TRIM33: variants seen among roughly 807,000 people sequenced by gnomAD.
TRIM33 encodes the protein tripartite motif containing 33.
Under a neutral mutation model 125.4 loss-of-function variants are expected in TRIM33, and 20 were observed. The observed-to-expected ratio is 0.16, with a 90% CI of 0.11 to 0.23. The LOEUF (loss-of-function observed/expected upper bound fraction) is 0.23. Ranked by LOEUF, TRIM33 falls within the 10% of genes least tolerant of loss-of-function variation. The probability of loss-of-function intolerance (pLI) is 1.00; values close to 1 mark genes in which losing one functional copy is unlikely to be tolerated. For synonymous variants in TRIM33, 564 were observed against 513.9 expected (o/e 1.10, Z -1.32); for missense variants, 920 against 1,411.4 (o/e 0.65, Z 5.58).
At chr1:114,468,353 C>T (rs545292521) in intron 1 of TRIM33, 1 of 305,426 alleles carries the variant, frequency 3.3e-6, no homozygotes, top group African/African-American at 2.3e-5. Context: ...CCTACTATGA[C>T]CAAGAAGTAA....
intron 16 of TRIM33, 58 bp from the exon 17 acceptor site, chr1:114,401,521 T>C: frequency 6.9e-7 from 1 of 1,440,562 alleles, no homozygotes; most frequent in Non-Finnish European, 9.7e-7. Context: ...TAAAACATTC[T>C]CGAGAATGAG....
intron 10 of TRIM33, among the ~76,000 whole-genome samples, chr1:114,423,341 C>T (rs575602882): frequency 6.6e-6 from 1 of 152,088 alleles, no homozygotes; most frequent in South Asian, 2.1e-4. Flanking sequence ...AGATAAAACT[C>T]TGTTGAAGAA....
Position 114,425,495 on chromosome 1 carries a change from G to A in TRIM33, c.1649C>T (p.Thr550Ile). Residue 550 changes from threonine to isoleucine, a missense_variant, in exon 9 of 20, where the codon ACA becomes ATA. By Grantham distance (89) the Thr-to-Ile change is moderately conservative (BLOSUM62 -1). Around this residue, in one of 8 missense-constraint regions of TRIM33, gnomAD observed 407 missense variants for 589.7 expected, o/e 0.69. Coordinates refer to ENST00000358465, the MANE Select transcript of TRIM33 (RefSeq NM_015906.4). ...PAPVPTTTTTTQQHPRQAAPQ... is the reference protein window; with the variant it reads ...PAPVPTTTTTIQQHPRQAAPQ... ...GGCTGCTTGTCTAGGATGCTGTTGT[G>A]TTGTTGTTGTTGTAGTTGGTACAGG... The A allele has an allele frequency of 1.2e-6, 2 of 1,613,300 alleles. No individual in the cohort carries two copies. Among genetic ancestry groups the A allele is most frequent in the Non-Finnish European group, 1.7e-6 (2 of 1,179,296 alleles).
chr1:114,471,504 A>C (rs376980589), intron 1 of TRIM33, among the ~76,000 whole-genome samples: 16 of 152,158 alleles, frequency 1.1e-4, no homozygotes, highest in African/African-American at 3.6e-4. Flanking sequence ...CATATTAAAA[A>C]ATTAGAAGAC....
intron 4 of TRIM33, among the ~76,000 whole-genome samples, chr1:114,460,573 CTTTTTTTTTTTTT>C (rs35612978): frequency 1.6e-5 from 1 of 64,432 alleles, no homozygotes; most frequent in Non-Finnish European, 2.7e-5. Flanking sequence ...CCCCCGCCAC[CTTTTTTTTTTTTT>C]TTTTTTTTTT....
rs766220955 is a variant in TRIM33 at position 114,397,597 on chromosome 1, T to TC, written c.*50_*51insG. ...TTTTCTGGGTTTTTTGTGTTTTTTTTTTTTTTTTCGTTTTTTTTTTTTTAA... is the reference window on the plus strand; with the variant it reads ...TTTTCTGGGTTTTTTGTGTTTTTTTTCTTTTTTTTCGTTTTTTTTTTTTTAA... On this transcript the variant is annotated 3_prime_UTR_variant, in exon 20 of 20. Coordinates refer to ENST00000358465, the MANE Select transcript of TRIM33 (RefSeq NM_015906.4). The TC allele has an allele frequency of 1.1e-5, 13 of 1,130,974 alleles. 1 individual carries two copies. The East Asian group carries it at 3.1e-4, about 27-fold the overall frequency. The allele number at this position is 1,130,974 out of a possible 1,614,324, so 70.1% of individuals were successfully genotyped here.
intron 1 of TRIM33, among the ~76,000 whole-genome samples, chr1:114,494,977 C>T (rs1324559627): frequency 1.3e-5 from 2 of 152,006 alleles, no homozygotes; most frequent in Non-Finnish European, 2.9e-5. Context: ...GCAATGGCAC[C>T]ATCTCGGCTC....
chr1:114,504,858 G>GT (rs1652906104), intron 1 of TRIM33, among the ~76,000 whole-genome samples: 1 of 152,172 alleles, frequency 6.6e-6, no homozygotes, highest in Non-Finnish European at 1.5e-5. Context: ...CATGCATGCT[G>GT]TACATATCAG....
rs977494943 is a variant in TRIM33 at position 114,393,122 on chromosome 1, GTAATAA to G, written c.*4520_*4525del. 4.8e-6 allele frequency: 1 copy of G among 209,132 alleles called. No individual in the cohort carries two copies. Among genetic ancestry groups the G allele is most frequent in the Non-Finnish European group, 9.8e-6 (1 of 102,412 alleles). The allele number at this position is 209,132 out of a possible 1,614,324, so 13.0% of individuals were successfully genotyped here. On this transcript the variant is annotated 3_prime_UTR_variant, in exon 20 of 20. Transcript: ENST00000358465. ...ATGTGCAAAAATAATAGTACTAGTA[GTAATAA>G]TAATAATGAGGGGAGGAGACCAATT...
At chr1:114,463,366 G>A (rs371022228) in intron 3 of TRIM33, 46 bp downstream of exon 3, 1 of 1,570,624 alleles carries the variant, frequency 6.4e-7, no homozygotes, top group African/African-American at 1.4e-5. Flanking sequence ...GCAAAAGAAG[G>A]AGGTTAACTG....
chr1:114,462,718 T>C (rs568207656), intron 4 of TRIM33, among the ~76,000 whole-genome samples: 13 of 152,352 alleles, frequency 8.5e-5, no homozygotes, highest in Middle Eastern at 3.4e-3. Flanking sequence ...AAATTTTATA[T>C]GTAACATGAA....
At chr1:114,439,435 C>G (rs977259384) in intron 4 of TRIM33, among the ~76,000 whole-genome samples, 1 of 134,180 alleles carries the variant, frequency 7.5e-6, no homozygotes, top group African/African-American at 2.9e-5. Flanking sequence ...CGCCACGGCA[C>G]TCCAGCCTGG....
At chr1:114,484,502 G>A (rs1651552769) in intron 1 of TRIM33, among the ~76,000 whole-genome samples, 1 of 151,730 alleles carries the variant, frequency 6.6e-6, no homozygotes, top group African/African-American at 2.4e-5. Flanking sequence ...TGAGGCGGGT[G>A]GATCACCTGA....
At chr1:114,414,027 GCACA>G (rs3077592) in intron 11 of TRIM33, among the ~76,000 whole-genome samples, 1,881 of 130,576 alleles carry the variant, frequency 0.014, 18 homozygotes, top group African/African-American at 0.027. Context: ...TAAATCACAG[GCACA>G]CACACACACA....
At chr1:114,400,372 T>C (rs1014672342) in intron 17 of TRIM33, among the ~76,000 whole-genome samples, 1 of 152,040 alleles carries the variant, frequency 6.6e-6, no homozygotes, top group Non-Finnish European at 1.5e-5. Context: ...CCCGGCTAAT[T>C]TTTATATTTT....
chr1:114,508,982 A>C (rs952178912), intron 1 of TRIM33, among the ~76,000 whole-genome samples: 1 of 152,088 alleles, frequency 6.6e-6, no homozygotes, highest in Admixed American at 6.5e-5. Context: ...GTTCCCCCAA[A>C]CCAAAATGCT....
intron 1 of TRIM33, among the ~76,000 whole-genome samples, chr1:114,490,008 T>C (rs1214265292): frequency 7.2e-6 from 1 of 138,780 alleles, no homozygotes; most frequent in African/African-American, 2.8e-5. Flanking sequence ...CCCAGCACTT[T>C]AGGAGGCCGA....
intron 18 of TRIM33, among the ~76,000 whole-genome samples, chr1:114,398,644 ATACGT>A (rs1442760904): frequency 6.6e-6 from 1 of 152,120 alleles, no homozygotes; most frequent in Non-Finnish European, 1.5e-5. Context: ...AGCTATAGGA[ATACGT>A]TACAGGATCC....
chr1:114,501,065 C>A (rs1570679477), intron 1 of TRIM33, among the ~76,000 whole-genome samples: 1 of 114,524 alleles, frequency 8.7e-6, no homozygotes. Flanking sequence ...TGGCGGGCGC[C>A]TGTAGTCCCA....
Sources: gnomAD v4.1 joint callset for allele counts (sites outside exome capture counted in the v4.1 genomes callset) on GRCh38, gnomAD v4.1.1 for gene constraint, gnomAD v4.1.1 regional missense constraint, MANE v1.5 for transcripts, NCBI Gene and HGNC (gene_info 2026-07-23, HGNC 2026-07-21) for gene names.